Variants in HEG1 observed in about 807,000 individuals in gnomAD.
HEG1 encodes protein HEG homolog 1.
HEG1 carries 56 observed loss-of-function variants against 125.6 expected under a neutral mutation model. The observed-to-expected ratio is 0.45, with a 90% CI of 0.36 to 0.56. The LOEUF is 0.56. HEG1 is among the 20% of genes least tolerant of loss of function. The pLI, the probability that HEG1 is intolerant of heterozygous loss-of-function variation, is 0.00. For missense variants in HEG1, 1,523 were observed against 1,670.0 expected (o/e 0.91, Z 1.53); for synonymous variants, 644 against 668.5 (o/e 0.96, Z 0.57).
At chr3:125,045,217 T>C (rs1429300269) in intron 1 of HEG1, among the ~76,000 whole-genome samples, 11 of 152,208 alleles carry the variant, frequency 7.2e-5, no homozygotes, top group Admixed American at 7.2e-4. Flanking sequence ...AGAACTGGAC[T>C]GTAGTTGGAA....
chr3:125,006,103 C>T (rs1937068522), intron 8 of HEG1, among the ~76,000 whole-genome samples: 1 of 152,120 alleles, frequency 6.6e-6, no homozygotes, highest in African/African-American at 2.4e-5. Flanking sequence ...ATCTGATATC[C>T]TAAGGACACC....
In HEG1 at chr3:125,009,757, A is replaced by G. The variant is rs1937123935; in HGVS notation, c.3141T>C (p.Phe1047=). 3.1e-6 allele frequency: 5 copies of G among 1,613,594 alleles called. No homozygotes were observed. In the African/African-American group the frequency reaches 6.7e-5, roughly 22 times the overall value. The change falls in exon 8 of 17, where the codon TTT becomes TTC. Residue 1047 remains phenylalanine (F), a synonymous_variant. Coordinates refer to ENST00000311127, the MANE Select transcript of HEG1 (RefSeq NM_020733.2). ...GGTACCCAACCGGGCATTTGCAGATAAAGGATCCCTGAGTATTGTTGCACA... is the reference window on the plus strand; with the variant it reads ...GGTACCCAACCGGGCATTTGCAGATGAAGGATCCCTGAGTATTGTTGCACA... ...TAMCNNTQGS[F]ICKCPVGYQL... is the part of the protein sequence containing the mutation.
In HEG1 at chr3:125,021,013, C is replaced by G. The variant is rs773314696; in HGVS notation, c.1031G>C (p.Arg344Pro). Reference sequence around the variant, plus strand: ...AGGTCCCAGACTGACCGTCAAAGATCGCAGCGTTCTCGGGCCACCATCAGT... The same window carrying G: ...AGGTCCCAGACTGACCGTCAAAGATGGCAGCGTTCTCGGGCCACCATCAGT... The part of the protein sequence containing the change: ...VFTDGGPRTL[R>P]SLTVSLGPVS... Residue 344 changes from arginine (R) to proline (P), a missense_variant, in exon 4 of 17, where the codon CGA becomes CCA. Coordinates refer to ENST00000311127, the MANE Select transcript of HEG1 (RefSeq NM_020733.2). 1.2e-6 allele frequency: 2 copies of G among 1,613,712 alleles called. No homozygotes were observed. Among genetic ancestry groups the G allele is most frequent in the Admixed American group, 3.3e-5 (2 of 59,974 alleles).
intron 1 of HEG1, among the ~76,000 whole-genome samples, chr3:125,053,628 T>C (rs911285271): frequency 1.2e-4 from 18 of 152,196 alleles, no homozygotes; most frequent in Non-Finnish European, 1.9e-4. Context: ...CTATTCCAAC[T>C]ACTCTCTCGC....
intron 10 of HEG1, 73 bp downstream of exon 10, chr3:125,002,184 G>C: frequency 1.3e-6 from 2 of 1,524,436 alleles, no homozygotes; most frequent in Middle Eastern, 1.7e-4. Context: ...CGGTTTTGTT[G>C]CTATCACCCA....
chr3:125,003,184 G>A (rs573634687), intron 9 of HEG1, among the ~76,000 whole-genome samples: 1 of 152,176 alleles, frequency 6.6e-6, no homozygotes, highest in Non-Finnish European at 1.5e-5. Context: ...CCTCGGGAAA[G>A]AACATTTGAG....
intron 1 of HEG1, among the ~76,000 whole-genome samples, 152 bp downstream of exon 1, chr3:125,055,423 C>A (rs1281423290): frequency 6.6e-6 from 1 of 152,204 alleles, no homozygotes; most frequent in Non-Finnish European, 1.5e-5. Flanking sequence ...CCTCCCTACC[C>A]GCCGACCCTC....
intron 14 of HEG1, among the ~76,000 whole-genome samples, chr3:124,979,344 C>A (rs1354233256): frequency 6.6e-6 from 1 of 152,178 alleles, no homozygotes; most frequent in African/African-American, 2.4e-5. Flanking sequence ...AGGAACATTA[C>A]TGATCAGTTA....
rs148999299 is a variant in HEG1 at position 124,986,131 on chromosome 3, G to A, written c.3733+4656C>T. On this transcript the variant is annotated intron_variant, in intron 14 of 16. Transcript: ENST00000311127. ...ACTGAAATCTGGGCACAAGTAGAAA[G>A]TGCACAGAAACTTTTGAGGGGTGGG... Among the ~76,000 whole-genome samples, 19 of 152,300 alleles carry A rather than the reference G, an allele frequency of 1.2e-4. No homozygotes were observed. In the East Asian group the frequency reaches 3.7e-3, roughly 29 times the overall value.
At chr3:125,054,543 CA>C (rs1937887407) in intron 1 of HEG1, among the ~76,000 whole-genome samples, 1 of 152,160 alleles carries the variant, frequency 6.6e-6, no homozygotes, top group Non-Finnish European at 1.5e-5. Flanking sequence ...ATTATGCAGA[CA>C]AAAAACTCAA....
intron 12 of HEG1, among the ~76,000 whole-genome samples, chr3:124,992,080 G>T (rs1358818796): frequency 2.0e-5 from 3 of 152,262 alleles, no homozygotes; most frequent in East Asian, 1.9e-4. Flanking sequence ...CCATGAGAAG[G>T]GGGGGAGCTG....
intron 1 of HEG1, among the ~76,000 whole-genome samples, chr3:125,035,349 A>G (rs192585637): frequency 6.6e-6 from 1 of 152,300 alleles, no homozygotes; most frequent in Admixed American, 6.5e-5. Flanking sequence ...AAAACGAAAC[A>G]TGTACCTCTA....
At chr3:125,055,292 AT>A (rs1378635827) in intron 1 of HEG1, among the ~76,000 whole-genome samples, 1 of 151,584 alleles carries the variant, frequency 6.6e-6, no homozygotes, top group South Asian at 2.1e-4. Context: ...TTTCCTTTCC[AT>A]TTTTTTTAAA....
chr3:124,971,749 C>A (rs951091474), intron 16 of HEG1, among the ~76,000 whole-genome samples: 1 of 150,322 alleles, frequency 6.7e-6, no homozygotes, highest in Non-Finnish European at 1.5e-5. Context: ...CTTGGCCTCC[C>A]AAAGTGCTGG....
intron 5 of HEG1, 58 bp from the exon 6 acceptor site, chr3:125,014,048 T>C: frequency 7.0e-7 from 1 of 1,425,064 alleles, no homozygotes; most frequent in Non-Finnish European, 9.4e-7. Flanking sequence ...CTCTGAAATA[T>C]GCACTATCAA....
chr3:125,020,978 T>C lies in HEG1; in HGVS notation c.1066A>G (p.Thr356Ala), dbSNP rs777268970. 1 of 1,613,966 alleles carries C rather than the reference T, an allele frequency of 6.2e-7. No individual in the cohort carries two copies. Among genetic ancestry groups the C allele is most frequent in the Admixed American group, 1.7e-5 (1 of 60,016 alleles). ...CTGGAGTCCTTGGGGAAGCCTTCTG[T>C]CTTGCTCACAGGTCCCAGACTGACC... Reference protein sequence around the residue: ...LTVSLGPVSKTEGFPKDSRIA... With the variant: ...LTVSLGPVSKAEGFPKDSRIA... The change falls in exon 4 of 17, where the codon ACA (threonine) becomes GCA (alanine). Residue 356 changes from threonine (T) to alanine (A), a missense_variant. Coordinates refer to ENST00000311127, the MANE Select transcript of HEG1 (RefSeq NM_020733.2).
intron 1 of HEG1, among the ~76,000 whole-genome samples, chr3:125,054,962 G>C (rs2107716901): frequency 6.6e-6 from 1 of 152,316 alleles, no homozygotes; most frequent in Admixed American, 6.5e-5. Flanking sequence ...CGGAGCAACA[G>C]TTCATTGGGA....
At position 125,018,282 on chromosome 3, in the gene HEG1, T is replaced by C. The variant is rs148046396; in HGVS notation, c.1588+980A>G. Among the ~76,000 whole-genome samples the C allele has an allele frequency of 3.4e-3, 516 of 152,316 alleles. 3 individuals are homozygous for C. Among genetic ancestry groups the C allele is most frequent in the African/African-American group, 0.012 (485 of 41,574 alleles). On this transcript the variant is annotated intron_variant, in intron 5 of 16. Transcript: ENST00000311127. ...AGGGAAAGACACAAAGGACCACATATTGTATGATTTCATTTATAGGAAATG... is the reference window on the plus strand; with the variant it reads ...AGGGAAAGACACAAAGGACCACATACTGTATGATTTCATTTATAGGAAATG...
At chr3:125,023,945 A>C (rs766931313) in intron 3 of HEG1, among the ~76,000 whole-genome samples, 1 of 146,708 alleles carries the variant, frequency 6.8e-6, no homozygotes, top group Non-Finnish European at 1.5e-5. Flanking sequence ...TGCTATCCAG[A>C]ACTTGCCGAA....
Sources: allele counts gnomAD v4.1 joint callset (sites outside exome capture counted in the v4.1 genomes callset), GRCh38; gene constraint gnomAD v4.1.1; transcripts MANE v1.5; gene names NCBI Gene and HGNC (gene_info 2026-07-23, HGNC 2026-07-21).